Variants in EPS8 observed in about 807,000 individuals in gnomAD.
EPS8 encodes the protein EGFR pathway substrate 8, signaling adaptor, also known as epidermal growth factor receptor kinase substrate 8.
EPS8 carries 42 observed loss-of-function variants against 103.8 expected under a neutral mutation model. The observed-to-expected ratio is 0.40, with a 90% CI of 0.32 to 0.52. The LOEUF is 0.52. EPS8 is among the 20% of genes least tolerant of loss of function. The pLI is 0.40. For missense variants in EPS8, 969 were observed against 1,005.1 expected (o/e 0.96, Z 0.49); for synonymous variants, 344 against 344.6 (o/e 1.00, Z 0.02).
intron 8 of EPS8, chr12:15,662,530 A>G: frequency 1.0e-6 from 1 of 986,608 alleles, no homozygotes; most frequent in Non-Finnish European, 1.2e-6. Flanking sequence ...TGTGACTACA[A>G]TAAAGCTTTC....
chr12:15,771,266 G>C lies in EPS8; in HGVS notation c.-22+17895C>G, dbSNP rs551254885. Among the ~76,000 whole-genome samples, 52 of 152,358 alleles carry C rather than the reference G, an allele frequency of 3.4e-4. 1 individual carries two copies. Among genetic ancestry groups the C allele is most frequent in the African/African-American group, 1.2e-3 (50 of 41,590 alleles). On this transcript the variant is annotated intron_variant, in intron 1 of 20. Transcript: ENST00000281172. The surrounding 1 kb of genome is among the most constrained non-coding windows in gnomAD (Gnocchi z 4.6). ...TGAAGTATACAGATGAAAGTGTATA[G>C]TACCTCACTTTGGCTAATGAGTAAT...
In EPS8 at chr12:15,701,631, T is replaced by C. The variant is rs1337656748; in HGVS notation, c.-21-18659A>G. Among the ~76,000 whole-genome samples the C allele has an allele frequency of 6.6e-6, 1 of 152,200 alleles. No homozygotes were observed. Among genetic ancestry groups the C allele is most frequent in the Non-Finnish European group, 1.5e-5 (1 of 68,032 alleles). On this transcript the variant is annotated intron_variant, in intron 1 of 20. Coordinates refer to ENST00000281172, the MANE Select transcript of EPS8 (RefSeq NM_004447.6). The surrounding 1 kb of genome is among the most constrained non-coding windows in gnomAD (Gnocchi z 5.1). ...TATATCAATAGGACTTTAGTACAAA[T>C]AATACCAAGTCTTCAATCTGAAAGA...
At chr12:15,775,971 C>T (rs899476878) in intron 1 of EPS8, among the ~76,000 whole-genome samples, 2 of 152,104 alleles carry the variant, frequency 1.3e-5, no homozygotes, top group African/African-American at 4.8e-5. Context: ...ATGCGTATCA[C>T]AAGAAAGAAC....
rs539189229 is a variant in EPS8 at position 15,757,447 on chromosome 12, G to A, written c.-22+31714C>T. ...AGATCGAGACCATCCTGGCCAACAC[G>A]GTGAAACCTCATCTCTACTAAAAAA... On this transcript the variant is annotated intron_variant, in intron 1 of 20. Transcript: ENST00000281172. The surrounding 1 kb of genome is among the most constrained non-coding windows in gnomAD (Gnocchi z 4.1). Among the ~76,000 whole-genome samples, 4 of 152,094 alleles carry A rather than the reference G, an allele frequency of 2.6e-5. No individual in the cohort carries two copies. The highest frequency in any genetic ancestry group is 3.9e-4 in the East Asian group (2 of 5,170).
In EPS8 at chr12:15,784,935, A is replaced by G. The variant is rs915143954; in HGVS notation, c.-22+4226T>C. Among the ~76,000 whole-genome samples the G allele has an allele frequency of 1.1e-4, 17 of 152,164 alleles. No homozygotes were observed. The highest frequency in any genetic ancestry group is 4.1e-4 in the African/African-American group (17 of 41,576). ...AAAAGTAAAGAGACAGTAAAAAGAT[A>G]CGTGGTTTTCTGGGAGAGGGGCTCA... On this transcript the variant is annotated intron_variant, in intron 1 of 20. Coordinates refer to ENST00000281172, the MANE Select transcript of EPS8 (RefSeq NM_004447.6). This position sits in a 1 kb window ranked among gnomAD's most constrained non-coding sequence, Gnocchi z 4.0.
At chr12:15,653,123 CTTCCTT>C (rs2135792034) in intron 13 of EPS8, among the ~76,000 whole-genome samples, 1 of 152,198 alleles carries the variant, frequency 6.6e-6, no homozygotes, top group East Asian at 1.9e-4. Context: ...ATTACCCACT[CTTCCTT>C]TTCAGTTCCA....
In EPS8 at chr12:15,759,048, A is replaced by G. The variant is rs1160051460; in HGVS notation, c.-22+30113T>C. ...TTTTTTAAAATTTTTTAATTAAAAG[A>G]TGCAGGGGAATTAAACTTTCTCCCT... On this transcript the variant is annotated intron_variant, in intron 1 of 20. Transcript: ENST00000281172. The surrounding 1 kb of genome is among the most constrained non-coding windows in gnomAD (Gnocchi z 4.9). Among the ~76,000 whole-genome samples, 1 of 152,138 alleles carries G rather than the reference A, an allele frequency of 6.6e-6. No individual in the cohort carries two copies. Among genetic ancestry groups the G allele is most frequent in the East Asian group, 1.9e-4 (1 of 5,202 alleles).
intron 17 of EPS8, among the ~76,000 whole-genome samples, chr12:15,635,318 T>C (rs1364379770): frequency 6.6e-6 from 1 of 152,172 alleles, no homozygotes; most frequent in Non-Finnish European, 1.5e-5. Context: ...TTATTCAAAT[T>C]ATCATTAAGA....
At position 15,784,844 on chromosome 12, in the gene EPS8, T is replaced by C. The variant is rs1947294875; in HGVS notation, c.-22+4317A>G. Among the ~76,000 whole-genome samples the C allele has an allele frequency of 6.6e-6, 1 of 152,142 alleles. No homozygotes were observed. The highest frequency in any genetic ancestry group is 2.4e-5 in the African/African-American group (1 of 41,458). ...ACATGGATGAACCTTAAATGTGTATTGCTAAATGAAAGAAGCCAGTCTGGC... is the reference window on the plus strand; with the variant it reads ...ACATGGATGAACCTTAAATGTGTATCGCTAAATGAAAGAAGCCAGTCTGGC... On this transcript the variant is annotated intron_variant, in intron 1 of 20. Coordinates refer to ENST00000281172, the MANE Select transcript of EPS8 (RefSeq NM_004447.6). This position sits in a 1 kb window ranked among gnomAD's most constrained non-coding sequence, Gnocchi z 4.0.
At chr12:15,681,633 G>A (rs1946009265) in intron 2 of EPS8, among the ~76,000 whole-genome samples, 1 of 150,636 alleles carries the variant, frequency 6.6e-6, no homozygotes, top group South Asian at 2.1e-4. Flanking sequence ...GGGAGGCTGA[G>A]GCAGGAGAAT....
intron 8 of EPS8, among the ~76,000 whole-genome samples, chr12:15,663,228 T>C (rs1049635570): frequency 6.6e-6 from 1 of 152,062 alleles, no homozygotes; most frequent in African/African-American, 2.4e-5. Flanking sequence ...AAAAATATCA[T>C]TTGGAGGGCA....
chr12:15,658,543 T>C lies in EPS8; in HGVS notation c.980A>G (p.Glu327Gly). The change falls in exon 11 of 21, where the codon GAA becomes GGA. Residue 327 changes from glutamate to glycine, a missense_variant. Coordinates refer to ENST00000281172, the MANE Select transcript of EPS8 (RefSeq NM_004447.6). Reference sequence around the variant, plus strand: ...AAACTTTTGGAAACAGTCAAGAAATTCATCAGGAGGTGGAGGTTTTGCCCG... The same window carrying C: ...AAACTTTTGGAAACAGTCAAGAAATCCATCAGGAGGTGGAGGTTTTGCCCG... ...TLRAKPPPPDEFLDCFQKFKH... is the reference protein window; with the variant it reads ...TLRAKPPPPDGFLDCFQKFKH... The C allele has an allele frequency of 6.2e-7, 1 of 1,613,422 alleles. No homozygotes were observed. Among genetic ancestry groups the C allele is most frequent in the Non-Finnish European group, 8.5e-7 (1 of 1,179,454 alleles).
intron 6 of EPS8, among the ~76,000 whole-genome samples, chr12:15,669,002 T>A (rs1945765112): frequency 6.6e-6 from 1 of 152,176 alleles, no homozygotes; most frequent in Non-Finnish European, 1.5e-5. Flanking sequence ...GAGATCTTCC[T>A]CCCTTAGCCA....
intron 8 of EPS8, among the ~76,000 whole-genome samples, chr12:15,663,913 T>C (rs1434905212): frequency 2.1e-5 from 1 of 46,914 alleles, no homozygotes; most frequent in Non-Finnish European, 4.1e-5. Context: ...AGAGCAACAC[T>C]CCATCTCAAA....
intron 1 of EPS8, among the ~76,000 whole-genome samples, chr12:15,740,572 T>A (rs1946810581): frequency 6.9e-6 from 1 of 144,230 alleles, no homozygotes; most frequent in Admixed American, 6.8e-5. Flanking sequence ...TAAAAATAAA[T>A]AAATAAATAA....
chr12:15,667,793 AACTAATGAGTAAATG>A, intron 6 of EPS8, among the ~76,000 whole-genome samples: 1 of 152,314 alleles, frequency 6.6e-6, no homozygotes, highest in African/African-American at 2.4e-5. Context: ...CAGAGTATGA[AACTAATGAGTAAATG>A]CATACAGTGC....
At chr12:15,676,044 G>A (rs1036654568) in intron 3 of EPS8, among the ~76,000 whole-genome samples, 2 of 151,868 alleles carry the variant, frequency 1.3e-5, no homozygotes, top group Admixed American at 6.6e-5. Flanking sequence ...AGACGGAGGC[G>A]GGCAGATCTC....
intron 1 of EPS8, chr12:15,683,713 T>A (rs901442137): frequency 6.6e-6 from 1 of 152,130 alleles, no homozygotes; most frequent in Admixed American, 6.5e-5. Context: ...AGACAAATAA[T>A]TAGTAAAACT....
intron 15 of EPS8, among the ~76,000 whole-genome samples, chr12:15,645,392 T>C (rs1945303059): frequency 1.4e-5 from 2 of 147,806 alleles, no homozygotes; most frequent in African/African-American, 2.5e-5. Context: ...GTGTCAACTT[T>C]TATATTTTAT....
Sources: allele counts gnomAD v4.1 joint callset (sites outside exome capture counted in the v4.1 genomes callset), GRCh38; gene constraint gnomAD v4.1.1; non-coding constraint Gnocchi (gnomAD v3.1); transcripts MANE v1.5; gene names NCBI Gene and HGNC (gene_info 2026-07-23, HGNC 2026-07-21).